Variants in CAST observed in about 807,000 individuals in gnomAD.
CAST encodes the protein calpastatin.
A neutral mutation model predicts 119.6 loss-of-function variants in CAST; 76 were observed. That is an observed-to-expected ratio of 0.64 (90% CI 0.53 to 0.77). The LOEUF is 0.77. Ranked by LOEUF, CAST falls within the 30% of genes least tolerant of loss-of-function variation. CAST has a pLI of 0.00. For synonymous variants in CAST, 319 were observed against 331.6 expected (o/e 0.96, Z 0.41); for missense variants, 953 against 946.5 (o/e 1.01, Z -0.09).
chr5:96,083,852 A>T, the CAST span, among the ~76,000 whole-genome samples: 1 of 152,172 alleles, frequency 6.6e-6, no homozygotes, highest in Non-Finnish European at 1.5e-5. Flanking sequence ...TCTCAAAACC[A>T]TGGTGTGGTG....
chr5:96,644,862 G>T (rs1194921035), intron 1 of CAST, among the ~76,000 whole-genome samples: 2 of 152,152 alleles, frequency 1.3e-5, no homozygotes, highest in Non-Finnish European at 2.9e-5. Flanking sequence ...TGTAATTCCA[G>T]CTACTCAGGA....
the CAST span, among the ~76,000 whole-genome samples, chr5:96,248,202 T>G: frequency 5.3e-5 from 8 of 152,236 alleles, no homozygotes; most frequent in Non-Finnish European, 4.4e-5. Flanking sequence ...TCCCCTTTGC[T>G]CTTTGTCCCT....
intron 1 of CAST, among the ~76,000 whole-genome samples, chr5:96,621,969 C>CTTTTTT (rs35728460): frequency 3.5e-5 from 4 of 113,698 alleles, no homozygotes; most frequent in East Asian, 2.5e-4. Flanking sequence ...CTTTTTTTCT[C>CTTTTTT]TTTTTTTTTT....
At chr5:96,224,704 G>A in the CAST span, among the ~76,000 whole-genome samples, 1 of 152,164 alleles carries the variant, frequency 6.6e-6, no homozygotes, top group East Asian at 1.9e-4. Context: ...AGAGAATAAA[G>A]TTATGTTGTT....
intron 9 of CAST, among the ~76,000 whole-genome samples, chr5:96,732,984 A>G (rs1368947595): frequency 1.3e-5 from 2 of 152,164 alleles, no homozygotes; most frequent in Non-Finnish European, 2.9e-5. Context: ...TGCTACAGCT[A>G]AATGGTAAAG....
chr5:96,366,004 C>T, the CAST span, among the ~76,000 whole-genome samples: 1 of 152,128 alleles, frequency 6.6e-6, no homozygotes. Flanking sequence ...CCTTCAGGAG[C>T]TCTTTTAGGG....
the CAST span, among the ~76,000 whole-genome samples, chr5:96,269,628 A>G: frequency 6.6e-6 from 1 of 152,204 alleles, no homozygotes; most frequent in Non-Finnish European, 1.5e-5. Flanking sequence ...TATTATGAAC[A>G]ACTATATATG....
At chr5:96,259,338 G>T in the CAST span, among the ~76,000 whole-genome samples, 2 of 152,212 alleles carry the variant, frequency 1.3e-5, no homozygotes, top group African/African-American at 4.8e-5. Flanking sequence ...GCACAGGAAG[G>T]ATTGGCAGGG....
the CAST span, among the ~76,000 whole-genome samples, chr5:96,465,198 CTT>C: frequency 6.6e-6 from 1 of 150,916 alleles, no homozygotes. Flanking sequence ...AAATTTTATT[CTT>C]TTTATATTTT....
At chr5:96,377,987 A>G in the CAST span, among the ~76,000 whole-genome samples, 1 of 152,178 alleles carries the variant, frequency 6.6e-6, no homozygotes, top group Non-Finnish European at 1.5e-5. Flanking sequence ...GCCTTACAAG[A>G]AGGCTATCCT....
chr5:95,980,781 C>A, the CAST span, among the ~76,000 whole-genome samples: 1 of 152,122 alleles, frequency 6.6e-6, no homozygotes, highest in African/African-American at 2.4e-5. Context: ...GAAGGCATGT[C>A]AGGCATCTCC....
chr5:96,167,451 C>T, the CAST span, among the ~76,000 whole-genome samples: 4 of 152,130 alleles, frequency 2.6e-5, no homozygotes, highest in Non-Finnish European at 5.9e-5. Flanking sequence ...AAGGAGTGTC[C>T]ATGCAGGAGC....
the CAST span, chr5:96,397,529 A>C: frequency 5.8e-4 from 835 of 1,437,644 alleles, 18 homozygotes; most frequent in South Asian, 8.2e-3. Context: ...GATACACTCT[A>C]GCATCTGATA....
At chr5:96,220,898 G>A in the CAST span, among the ~76,000 whole-genome samples, 36 of 152,278 alleles carry the variant, frequency 2.4e-4, no homozygotes, top group Middle Eastern at 3.4e-3. Context: ...CCCTTTGTCG[G>A]TATGATATTA....
chr5:96,448,553 T>C, the CAST span, among the ~76,000 whole-genome samples: 1 of 152,212 alleles, frequency 6.6e-6, no homozygotes. Context: ...TGAACTATAA[T>C]GTTTCTGCTG....
intron 26 of CAST, 59 bp from the exon 27 acceptor site, chr5:96,765,994 G>A (rs1053309266): frequency 1.1e-6 from 1 of 949,036 alleles, no homozygotes; most frequent in Non-Finnish European, 1.7e-6. Flanking sequence ...ATTTGACAAT[G>A]TATTTTCTAA....
At chr5:96,420,526 C>T in the CAST span, among the ~76,000 whole-genome samples, 6 of 152,038 alleles carry the variant, frequency 3.9e-5, no homozygotes, top group African/African-American at 9.7e-5. Context: ...ATAAATGGTA[C>T]GGAAAGAAGT....
intron 19 of CAST, among the ~76,000 whole-genome samples, chr5:96,749,552 T>A (rs1344031247): frequency 1.3e-5 from 2 of 152,188 alleles, no homozygotes; most frequent in Admixed American, 1.3e-4. Context: ...TTTGTTTTGT[T>A]TTGTTTTTTC....
chr5:96,195,427 T>G, the CAST span, among the ~76,000 whole-genome samples: 2 of 152,166 alleles, frequency 1.3e-5, no homozygotes, highest in African/African-American at 4.8e-5. Context: ...TTCAGTGAGC[T>G]CCCAGGAAAT....
Sources: allele counts gnomAD v4.1 joint callset (sites outside exome capture counted in the v4.1 genomes callset), GRCh38; gene constraint gnomAD v4.1.1; transcripts MANE v1.5; gene names NCBI Gene and HGNC (gene_info 2026-07-23, HGNC 2026-07-21).